MTUS2: variants seen among roughly 807,000 people sequenced by gnomAD.
The protein encoded by MTUS2 is microtubule associated scaffold protein 2, also known as microtubule-associated tumor suppressor candidate 2.
MTUS2 carries 40 observed loss-of-function variants against 114.1 expected under a neutral mutation model. The ratio of observed to expected loss-of-function variants is 0.35; its 90% CI spans 0.27 to 0.46. The LOEUF (loss-of-function observed/expected upper bound fraction) is 0.46, where lower values mean the gene tolerates loss of function less well. MTUS2 is among the 20% of genes least tolerant of loss of function. MTUS2 has a pLI of 1.00. For missense variants in MTUS2, 1,679 were observed against 1,705.4 expected (o/e 0.98, Z 0.27); for synonymous variants, 688 against 672.0 (o/e 1.02, Z -0.37).
chr13:29,041,481 A>G (rs1050565169), intron 4 of MTUS2, among the ~76,000 whole-genome samples: 3 of 152,184 alleles, frequency 2.0e-5, no homozygotes, highest in African/African-American at 7.2e-5. Context: ...TCTGTGAAGA[A>G]TGATGGTGGT....
chr13:29,080,938 G>T (rs1593454773), intron 4 of MTUS2, among the ~76,000 whole-genome samples: 1 of 152,038 alleles, frequency 6.6e-6, no homozygotes, highest in Non-Finnish European at 1.5e-5. Flanking sequence ...GTTGACCAGG[G>T]TGGTCTTGAA....
chr13:29,133,489 T>G (rs1055821245), intron 5 of MTUS2, among the ~76,000 whole-genome samples: 3 of 152,218 alleles, frequency 2.0e-5, no homozygotes, highest in Non-Finnish European at 4.4e-5. Flanking sequence ...TTTTAGGTTT[T>G]ACATTTAGAT....
intron 1 of MTUS2, among the ~76,000 whole-genome samples, chr13:28,828,103 A>G (rs1372112317): frequency 6.6e-6 from 1 of 152,178 alleles, no homozygotes; most frequent in Non-Finnish European, 1.5e-5. Flanking sequence ...GACGTTCCCA[A>G]AGTGGCCATT....
chr13:29,062,338 A>C (rs113250660), intron 4 of MTUS2, among the ~76,000 whole-genome samples: 175 of 152,342 alleles, frequency 1.1e-3, no homozygotes, highest in African/African-American at 3.9e-3. Flanking sequence ...TATGTTTAAC[A>C]GGTGTCACAT....
intron 5 of MTUS2, among the ~76,000 whole-genome samples, chr13:29,197,124 C>A (rs1420484168): frequency 6.6e-6 from 1 of 152,120 alleles, no homozygotes; most frequent in Admixed American, 6.5e-5. Context: ...CATAGGTATA[C>A]ATGTACCATG....
At chr13:29,012,580 A>C (rs1885893641) in intron 2 of MTUS2, among the ~76,000 whole-genome samples, 1 of 152,214 alleles carries the variant, frequency 6.6e-6, no homozygotes. Context: ...ATATGCTAAA[A>C]GAGTGGGTCC....
intron 9 of MTUS2, among the ~76,000 whole-genome samples, chr13:29,458,781 A>G (rs1879287133): frequency 6.6e-6 from 1 of 152,222 alleles, no homozygotes; most frequent in Non-Finnish European, 1.5e-5. Context: ...CTCCTCCTAT[A>G]TGCCTATGTT....
At chr13:29,318,189 T>C (rs1370446361) in intron 6 of MTUS2, among the ~76,000 whole-genome samples, 4 of 152,112 alleles carry the variant, frequency 2.6e-5, no homozygotes, top group African/African-American at 7.2e-5. Context: ...CTTACTTATA[T>C]TGAGATTTAC....
intron 5 of MTUS2, among the ~76,000 whole-genome samples, chr13:29,193,510 A>T (rs1447542336): frequency 1.3e-5 from 2 of 152,204 alleles, no homozygotes; most frequent in Non-Finnish European, 2.9e-5. Context: ...CAAAGAGAAT[A>T]AAATACCTAG....
At chr13:28,857,493 G>C (rs371611461) in intron 2 of MTUS2, among the ~76,000 whole-genome samples, 2 of 152,266 alleles carry the variant, frequency 1.3e-5, no homozygotes, top group South Asian at 2.1e-4. Flanking sequence ...GAAGAAAGAG[G>C]GTTTTCATAT....
intron 5 of MTUS2, among the ~76,000 whole-genome samples, chr13:29,269,889 A>G (rs1412023859): frequency 6.6e-6 from 1 of 152,220 alleles, no homozygotes; most frequent in Non-Finnish European, 1.5e-5. Context: ...AAGAAGAGAA[A>G]TCTGCCATTT....
At chr13:28,956,004 C>T (rs1048485821) in intron 2 of MTUS2, among the ~76,000 whole-genome samples, 3 of 151,328 alleles carry the variant, frequency 2.0e-5, no homozygotes, top group South Asian at 2.1e-4. Flanking sequence ...TTGGTGCACC[C>T]GTTACCCCAG....
At chr13:29,395,330 A>C (rs913816176) in intron 8 of MTUS2, among the ~76,000 whole-genome samples, 4 of 152,144 alleles carry the variant, frequency 2.6e-5, no homozygotes, top group African/African-American at 9.7e-5. Flanking sequence ...GCTTTCGACC[A>C]AGGTGTTGGC....
At chr13:29,262,878 G>A (rs1316183980) in intron 5 of MTUS2, among the ~76,000 whole-genome samples, 1 of 152,180 alleles carries the variant, frequency 6.6e-6, no homozygotes, top group Non-Finnish European at 1.5e-5. Context: ...GAATCTTGAA[G>A]AAATGACAGC....
At chr13:29,129,439 A>G (rs1457474054) in intron 5 of MTUS2, among the ~76,000 whole-genome samples, 3 of 152,106 alleles carry the variant, frequency 2.0e-5, no homozygotes, top group East Asian at 3.9e-4. Context: ...TTCCACTTAG[A>G]ATATGTTTCC....
At chr13:29,324,463 G>T in intron 6 of MTUS2, 150 bp from the exon 7 acceptor site, 1 of 609,794 alleles carries the variant, frequency 1.6e-6, no homozygotes, top group Non-Finnish European at 2.9e-6. Flanking sequence ...ATCAAGCACA[G>T]GGGGTGGTGA....
rs141865048 is a variant in MTUS2, at chr13:29,161,003, T to A, written c.2644+60033T>A. On this transcript the variant is annotated intron_variant, in intron 5 of 15. Transcript: ENST00000612955. ...GAATAGTAGTTCAAAGGGTTATGGA[T>A]GAAGTAGGGTGGGATGGCTGGAGGA... Among the ~76,000 whole-genome samples, 413 of 152,216 alleles carry A rather than the reference T, an allele frequency of 2.7e-3. 2 individuals carry two copies. The highest frequency in any genetic ancestry group is 9.5e-3 in the African/African-American group (394 of 41,536).
intron 2 of MTUS2, among the ~76,000 whole-genome samples, chr13:28,866,793 A>G (rs968182309): frequency 2.6e-5 from 4 of 152,150 alleles, no homozygotes; most frequent in Non-Finnish European, 5.9e-5. Flanking sequence ...GTTTGATTAA[A>G]GGATGCCCTT....
At chr13:29,185,690 C>A (rs773117140) in intron 5 of MTUS2, among the ~76,000 whole-genome samples, 2 of 152,066 alleles carry the variant, frequency 1.3e-5, no homozygotes, top group Non-Finnish European at 2.9e-5. Flanking sequence ...TCCAGCAAAG[C>A]CATCCTTTAA....
Sources: gnomAD v4.1 joint callset for allele counts (sites outside exome capture counted in the v4.1 genomes callset) on GRCh38, gnomAD v4.1.1 for gene constraint, MANE v1.5 for transcripts, NCBI Gene and HGNC (gene_info 2026-07-23, HGNC 2026-07-21) for gene names.